Variants in CDH17 observed in about 807,000 individuals in gnomAD.
CDH17 encodes cadherin 17, also known as cadherin-17.
CDH17 carries 67 observed loss-of-function variants against 86.3 expected under a neutral mutation model. The ratio of observed to expected loss-of-function variants is 0.78; its 90% CI spans 0.64 to 0.95. CDH17 has a LOEUF of 0.95. Among genes scored for constraint, CDH17 ranks in the 40% least tolerant of loss-of-function variants. The pLI is 0.00. For synonymous variants in CDH17, 367 were observed against 366.4 expected (o/e 1.00, Z -0.02); for missense variants, 993 against 1,017.6 (o/e 0.98, Z 0.33).
intron 3 of CDH17, among the ~76,000 whole-genome samples, chr8:94,185,577 A>G (rs1219445550): frequency 6.6e-6 from 1 of 152,182 alleles, no homozygotes; most frequent in Non-Finnish European, 1.5e-5. Context: ...ATTGTCTTCA[A>G]TGGAGTGTGG....
At chr8:94,207,531 A>G (rs1254465642) in intron 1 of CDH17, among the ~76,000 whole-genome samples, 1 of 152,220 alleles carries the variant, frequency 6.6e-6, no homozygotes, top group Non-Finnish European at 1.5e-5. Context: ...ACCCTCTCTC[A>G]GTAAAGGACT....
chr8:94,201,731 C>T (rs1235824711), intron 1 of CDH17, among the ~76,000 whole-genome samples: 2 of 152,180 alleles, frequency 1.3e-5, no homozygotes, highest in Non-Finnish European at 2.9e-5. Flanking sequence ...GTGCTGCTGT[C>T]CCAGGACAGA....
intron 5 of CDH17, among the ~76,000 whole-genome samples, chr8:94,176,223 C>T (rs1480097007): frequency 1.3e-5 from 2 of 152,124 alleles, no homozygotes; most frequent in Non-Finnish European, 2.9e-5. Context: ...TGCCTGGAGA[C>T]ATTTTTATTG....
At position 94,151,947 on chromosome 8, in the gene CDH17, C is replaced by T. The variant is rs780936081; in HGVS notation, c.1717G>A (p.Ala573Thr). 6.2e-7 allele frequency: 1 copy of T among 1,614,208 alleles called. No individual in the cohort carries two copies. Among genetic ancestry groups the T allele is most frequent in the Non-Finnish European group, 8.5e-7 (1 of 1,180,022 alleles). Residue 573 changes from alanine (A) to threonine (T), a missense_variant, in exon 13 of 18, where the codon GCG becomes ACG. Coordinates refer to ENST00000027335, the MANE Select transcript of CDH17 (RefSeq NM_004063.4). ...ATAGCTACATCCTCACTGACTTTCG[C>T]TTGGAATACGTGTTGGGAAAATTGA... ...APQFSQHVFQ[A>T]KVSEDVAIGT... is the part of the protein sequence containing the mutation.
intron 3 of CDH17, among the ~76,000 whole-genome samples, chr8:94,180,887 TC>T: frequency 7.6e-6 from 1 of 131,198 alleles, no homozygotes; most frequent in South Asian, 2.2e-4. Flanking sequence ...AGAGTGAGAT[TC>T]CCAGAGTGAG....
chr8:94,214,794 A>G (rs1289060835), intron 1 of CDH17, among the ~76,000 whole-genome samples: 1 of 122,032 alleles, frequency 8.2e-6, no homozygotes, highest in Middle Eastern at 4.3e-3. Context: ...AACAACTCTT[A>G]CAGCAACCCA....
upstream of CDH17, among the ~76,000 whole-genome samples, chr8:94,209,982 A>T (rs936002233): frequency 2.6e-5 from 4 of 152,130 alleles, no homozygotes; most frequent in African/African-American, 9.7e-5. Flanking sequence ...TTTCAGCAAC[A>T]ATAACAATGA....
In CDH17 at chr8:94,127,261, A is replaced by AACTT. The variant is rs1265699886; in HGVS notation, c.*975_*978dup. On this transcript the variant is annotated 3_prime_UTR_variant, in exon 18 of 18. Transcript: ENST00000027335. ...CACATGTTAAATATATAATAACCAA[A>AACTT]ACTTTACTAACATACGAATGAAGAA... 4.6e-5 allele frequency: 7 copies of AACTT among 152,236 alleles called. No individual in the cohort carries two copies. The highest frequency in any genetic ancestry group is 9.6e-5 in the African/African-American group (4 of 41,464). 9.4% of individuals were successfully genotyped at this position (152,236 alleles called of 1,614,324 possible). A position where few individuals can be genotyped will look rare whatever the true frequency, so the allele number is the denominator to read the frequency against.
chr8:94,173,631 G>A (rs1813310453), intron 7 of CDH17, among the ~76,000 whole-genome samples, 166 bp downstream of exon 7: 1 of 152,138 alleles, frequency 6.6e-6, no homozygotes, highest in African/African-American at 2.4e-5. Flanking sequence ...CATGATGCAT[G>A]GTCAAGTCCA....
intron 2 of CDH17, among the ~76,000 whole-genome samples, chr8:94,191,862 T>G (rs1330399119): frequency 6.6e-6 from 1 of 152,196 alleles, no homozygotes; most frequent in East Asian, 1.9e-4. Context: ...TCACTCCTTT[T>G]CCACATCTTT....
chr8:94,168,545 T>C (rs1050190469), intron 9 of CDH17, among the ~76,000 whole-genome samples: 25 of 152,126 alleles, frequency 1.6e-4, no homozygotes, highest in African/African-American at 6.0e-4. Context: ...GAGCATTGTC[T>C]TGTACCCTTT....
chr8:94,152,706 A>T (rs1267601878), intron 12 of CDH17, among the ~76,000 whole-genome samples: 2 of 152,106 alleles, frequency 1.3e-5, no homozygotes, highest in Non-Finnish European at 2.9e-5. Context: ...CTGGAATAGA[A>T]GTTTATCTGA....
intron 5 of CDH17, among the ~76,000 whole-genome samples, chr8:94,176,324 A>T (rs996207896): frequency 7.2e-5 from 11 of 152,320 alleles, no homozygotes; most frequent in Non-Finnish European, 1.5e-4. Context: ...CTGACCAAAA[A>T]AAGAATTATC....
chr8:94,142,380 CA>C (rs1352196351), intron 15 of CDH17, among the ~76,000 whole-genome samples: 1 of 152,040 alleles, frequency 6.6e-6, no homozygotes, highest in African/African-American at 2.4e-5. Flanking sequence ...ACTTTGTTGC[CA>C]AAAAATGCTA....
At position 94,176,593 on chromosome 8, in the gene CDH17, G is replaced by A. The variant is rs1813378706; in HGVS notation, c.372C>T (p.Pro124=). ...CTTCGTACTTTGACTGGAGAAACGT[G>A]GGTCGATTGTCGTTGATGTCCTTCA... The part of the protein sequence containing the change: ...IKVKDINDNR[P]TFLQSKYEGS... The change falls in exon 5 of 18, where the codon CCC becomes CCT. Residue 124 remains proline (P), a synonymous_variant. Transcript: ENST00000027335. 5 of 1,613,832 alleles carry A rather than the reference G, an allele frequency of 3.1e-6. No individual in the cohort carries two copies. The highest frequency in any genetic ancestry group is 4.2e-6 in the Non-Finnish European group (5 of 1,179,800).
intron 3 of CDH17, among the ~76,000 whole-genome samples, chr8:94,188,400 T>C (rs1378642512): frequency 6.6e-6 from 1 of 152,156 alleles, no homozygotes; most frequent in African/African-American, 2.4e-5. Context: ...TGGAAGGCAC[T>C]TGCCTTAGAA....
intron 7 of CDH17, 37 bp from the exon 8 acceptor site, chr8:94,171,022 T>C: frequency 1.9e-6 from 3 of 1,589,402 alleles, no homozygotes; most frequent in Non-Finnish European, 2.6e-6. Flanking sequence ...GAAAGCTGTA[T>C]TTGGACTGAG....
chr8:94,135,284 G>A (rs1373706435), intron 15 of CDH17, among the ~76,000 whole-genome samples: 2 of 152,158 alleles, frequency 1.3e-5, no homozygotes, highest in Non-Finnish European at 1.5e-5. Context: ...TGATTATTGT[G>A]TGGGAGTCTA....
intron 14 of CDH17, among the ~76,000 whole-genome samples, chr8:94,146,837 A>T (rs868173003): frequency 6.6e-6 from 1 of 152,228 alleles, no homozygotes; most frequent in Non-Finnish European, 1.5e-5. Flanking sequence ...ACTGACTGTT[A>T]TCATGTCCTC....
Sources: allele counts gnomAD v4.1 joint callset (sites outside exome capture counted in the v4.1 genomes callset), GRCh38; gene constraint gnomAD v4.1.1; transcripts MANE v1.5; gene names NCBI Gene and HGNC (gene_info 2026-07-23, HGNC 2026-07-21).